Variants in PPP1R13B observed in about 807,000 individuals in gnomAD.
PPP1R13B encodes apoptosis-stimulating of p53 protein 1.
Under a neutral mutation model 119.8 loss-of-function variants are expected in PPP1R13B, and 44 were observed. The ratio of observed to expected loss-of-function variants is 0.37; its 90% CI spans 0.29 to 0.47. PPP1R13B has a LOEUF of 0.47. Ranked by LOEUF, PPP1R13B falls within the 20% of genes least tolerant of loss-of-function variation. PPP1R13B has a pLI of 0.99. For missense variants in PPP1R13B, 1,227 were observed against 1,413.5 expected, an observed-to-expected ratio of 0.87 and a Z score of 2.12; for synonymous variants, 542 against 561.5, an observed-to-expected ratio of 0.97 and a Z score of 0.49.
intron 1 of PPP1R13B, among the ~76,000 whole-genome samples, chr14:103,822,121 T>G (rs547785021): frequency 1.3e-5 from 2 of 151,802 alleles, no homozygotes; most frequent in Admixed American, 1.3e-4. Flanking sequence ...TCCCAAGAGA[T>G]GAGGATCAAA....
rs559786764 is a variant in PPP1R13B at position 103,735,074 on chromosome 14, G to A, written c.*80C>T. 5.9e-6 allele frequency: 9 copies of A among 1,520,620 alleles called. No individual in the cohort carries two copies. In the South Asian group the frequency reaches 1.0e-4, roughly 17 times the overall value. The allele number at this position is 1,520,620 out of a possible 1,614,324, so 94.2% of individuals were successfully genotyped here. ...CCATTAAGACCATTTTCTAGCTGCA[G>A]CTTTCCTGGAAAACAGCACAATAAT... On this transcript the variant is annotated 3_prime_UTR_variant, in exon 17 of 17. Coordinates refer to ENST00000202556, the MANE Select transcript of PPP1R13B (RefSeq NM_015316.3).
intron 1 of PPP1R13B, among the ~76,000 whole-genome samples, chr14:103,808,823 T>A (rs2086078984): frequency 6.6e-6 from 1 of 152,160 alleles, no homozygotes; most frequent in African/African-American, 2.4e-5. Context: ...GAAGTACATA[T>A]TTAACCCTCT....
At chr14:103,753,756 AT>A (rs199820360) in intron 6 of PPP1R13B, among the ~76,000 whole-genome samples, 1 of 151,108 alleles carries the variant, frequency 6.6e-6, no homozygotes, top group Non-Finnish European at 1.5e-5. Context: ...AGATCTTTTT[AT>A]TTTTTTTTGA....
upstream of PPP1R13B, among the ~76,000 whole-genome samples, chr14:103,848,635 A>G (rs1056268561): frequency 1.3e-5 from 2 of 152,214 alleles, no homozygotes; most frequent in Admixed American, 6.5e-5. Flanking sequence ...GCGCCGGCCC[A>G]GTGGAGAAGG....
intron 1 of PPP1R13B, among the ~76,000 whole-genome samples, chr14:103,830,228 TGGGATTACA>T (rs1255120896): frequency 1.3e-5 from 2 of 152,118 alleles, no homozygotes; most frequent in Non-Finnish European, 2.9e-5. Context: ...CCCGAGTAGC[TGGGATTACA>T]GGCACACACC....
rs535974953 is a variant in PPP1R13B, at chr14:103,757,394, T to C, written c.456+256A>G. Among the ~76,000 whole-genome samples the C allele has an allele frequency of 3.3e-5, 5 of 152,306 alleles. No homozygotes were observed. The South Asian group carries it at 1.0e-3, about 32-fold the overall frequency. On this transcript the variant is annotated intron_variant, in intron 5 of 16. Transcript: ENST00000202556. ...TCTATGATTTTAATAAGGTCATCAG[T>C]TTCCTGTTTGGGGTGTCTATTGTAT...
rs1309728597 is a variant in PPP1R13B at position 103,847,282 on chromosome 14, C to A, written c.9+17G>T. 3.2e-6 allele frequency: 4 copies of A among 1,231,436 alleles called. 1 individual carries two copies. Among genetic ancestry groups the A allele is most frequent in the Non-Finnish European group, 4.1e-6 (4 of 968,170 alleles). 76.3% of individuals were successfully genotyped at this position (1,231,436 alleles called of 1,614,324 possible). ...CGCGGAGGAAGCCGCCGCCACCTCC[C>A]GCCCGCCCTCACCCACCGGCATCAT... is the stretch of plus-strand genomic sequence containing the variant. On this transcript the variant is annotated intron_variant, in intron 1 of 16. Transcript: ENST00000202556.
chr14:103,736,399 T>TCCTGCTGCC, intron 15 of PPP1R13B, 197 bp from the exon 16 acceptor site: 1 of 610,696 alleles, frequency 1.6e-6, no homozygotes, highest in East Asian at 2.8e-5. Flanking sequence ...CAGCTGCTGC[T>TCCTGCTGCC]CCTGCTGCCG....
intron 1 of PPP1R13B, among the ~76,000 whole-genome samples, chr14:103,805,505 A>C (rs1195879555): frequency 2.6e-5 from 4 of 152,092 alleles, no homozygotes; most frequent in Non-Finnish European, 4.4e-5. Context: ...CAGGAGGTCA[A>C]AGCTGCAGTG....
At chr14:103,809,053 G>A (rs751926587) in intron 1 of PPP1R13B, among the ~76,000 whole-genome samples, 34 of 151,922 alleles carry the variant, frequency 2.2e-4, no homozygotes, top group African/African-American at 3.4e-4. Context: ...TTGTAGAGAT[G>A]GGGTCTATGC....
intron 5 of PPP1R13B, 25 bp from the exon 6 acceptor site, chr14:103,754,269 CTT>C (rs768324772): frequency 1.6e-5 from 26 of 1,595,648 alleles, no homozygotes; most frequent in Non-Finnish European, 1.7e-5. Flanking sequence ...AAAAATGTAA[CTT>C]TGAAAATTGA....
chr14:103,752,364 G>T (rs1266726598), intron 7 of PPP1R13B, among the ~76,000 whole-genome samples: 1 of 152,124 alleles, frequency 6.6e-6, no homozygotes, highest in Non-Finnish European at 1.5e-5. Flanking sequence ...GCTCTGGAGG[G>T]TATGGAGGTT....
chr14:103,843,711 T>C (rs935053112), intron 1 of PPP1R13B, among the ~76,000 whole-genome samples: 10 of 152,134 alleles, frequency 6.6e-5, no homozygotes, highest in Admixed American at 2.6e-4. Flanking sequence ...TCCCAGCACG[T>C]TGGGAGGCTG....
At chr14:103,840,818 A>C (rs1398189722) in intron 1 of PPP1R13B, among the ~76,000 whole-genome samples, 3 of 152,018 alleles carry the variant, frequency 2.0e-5, no homozygotes, top group Non-Finnish European at 4.4e-5. Flanking sequence ...AAGAAAAGAA[A>C]AGAACATTAT....
rs58782839 is a variant in PPP1R13B at position 103,792,169 on chromosome 14, C to CGTGTGTGTGTGTGTGT, written c.157+5186_157+5201dup. Among the ~76,000 whole-genome samples, 479 of 137,238 alleles carry CGTGTGTGTGTGTGTGT rather than the reference C, an allele frequency of 3.5e-3. 4 individuals carry two copies. Among genetic ancestry groups the CGTGTGTGTGTGTGTGT allele is most frequent in the African/African-American group, 8.6e-3 (321 of 37,418 alleles). The allele number at this position is 137,238 out of a possible 152,430, so 90.0% of individuals were successfully genotyped here. The stretch of plus-strand genomic sequence containing the variant: ...AAATTTATTGTTTCCCTCTATTCAT[C>CGTGTGTGTGTGTGTGT]GTGTGTGTGTGTGTGTGTGTGTGTG... On this transcript the variant is annotated intron_variant, in intron 2 of 16. Coordinates refer to ENST00000202556, the MANE Select transcript of PPP1R13B (RefSeq NM_015316.3).
intron 2 of PPP1R13B, among the ~76,000 whole-genome samples, chr14:103,788,548 G>C (rs28402277): frequency 0.034 from 5,156 of 152,112 alleles, 286 homozygotes; most frequent in African/African-American, 0.12. Flanking sequence ...CATTAGCCAG[G>C]CATGACAGTG....
chr14:103,742,752 C>T lies in PPP1R13B; in HGVS notation c.1222G>A (p.Ala408Thr), dbSNP rs769107755. The T allele has an allele frequency of 1.9e-6, 3 of 1,614,078 alleles. No individual in the cohort carries two copies. The highest frequency in any genetic ancestry group is 1.3e-5 in the African/African-American group (1 of 74,948). Residue 408 changes from alanine (A) to threonine (T), a missense_variant, in exon 10 of 17, where the codon GCA (alanine) becomes ACA (threonine). Physicochemically the swap from Ala to Thr is moderately conservative, Grantham distance 58. Coordinates refer to ENST00000202556, the MANE Select transcript of PPP1R13B (RefSeq NM_015316.3). This position sits in a 1 kb window ranked among gnomAD's most constrained non-coding sequence, Gnocchi z 4.9. ...SSVKPVQVAGADWKDPSVEGS... is the reference protein window; with the variant it reads ...SSVKPVQVAGTDWKDPSVEGS... ...TCCACGCTCGGATCCTTCCAGTCTGCACCGGCCACCTGCACTGGTTTCACG... is the reference window on the plus strand; with the variant it reads ...TCCACGCTCGGATCCTTCCAGTCTGTACCGGCCACCTGCACTGGTTTCACG...
chr14:103,733,387 C>T lies in PPP1R13B; in HGVS notation c.*1767G>A, dbSNP rs1445243855. 1 of 204,636 alleles carries T rather than the reference C, an allele frequency of 4.9e-6. No individual in the cohort carries two copies. The highest frequency in any genetic ancestry group is 1.4e-4 in the East Asian group (1 of 7,182). 12.7% of individuals were successfully genotyped at this position (204,636 alleles called of 1,614,324 possible). On this transcript the variant is annotated 3_prime_UTR_variant, in exon 17 of 17. Coordinates refer to ENST00000202556, the MANE Select transcript of PPP1R13B (RefSeq NM_015316.3). ...ATTTCATTTAATTCTTCCACAGAAC[C>T]AGTTTGGGCAGTAGGAACTCAGGCT...
At chr14:103,793,086 G>A (rs2085664864) in intron 2 of PPP1R13B, among the ~76,000 whole-genome samples, 1 of 125,266 alleles carries the variant, frequency 8.0e-6, no homozygotes, top group Admixed American at 8.8e-5. Context: ...AAGGGGAAGG[G>A]AAGGAAGGGG....
Sources: allele counts gnomAD v4.1 joint callset (sites outside exome capture counted in the v4.1 genomes callset), GRCh38; gene constraint gnomAD v4.1.1; non-coding constraint Gnocchi (gnomAD v3.1); transcripts MANE v1.5; gene names NCBI Gene and HGNC (gene_info 2026-07-23, HGNC 2026-07-21).